Variants in KIAA0825 observed in about 807,000 individuals in gnomAD.
The protein encoded by KIAA0825 is KIAA0825.
In KIAA0825, 119 loss-of-function variants were observed where a neutral mutation model predicts 147.6. The ratio of observed to expected loss-of-function variants is 0.81; its 90% confidence interval spans 0.69 to 0.94. The LOEUF is 0.94. Among genes scored for constraint, KIAA0825 ranks in the 40% least tolerant of loss-of-function variants. KIAA0825 has a pLI of 0.00. For synonymous variants in KIAA0825, 470 were observed against 518.1 expected, an observed-to-expected ratio of 0.91 and a Z score of 1.26; for missense variants, 1,381 against 1,472.7, an observed-to-expected ratio of 0.94 and a Z score of 1.02.
chr5:94,460,371 T>C (rs991473595), intron 12 of KIAA0825, among the ~76,000 whole-genome samples: 3 of 152,090 alleles, frequency 2.0e-5, no homozygotes, highest in Non-Finnish European at 2.9e-5. Flanking sequence ...CAGGTTTCAT[T>C]CTTCCTGAAA....
At chr5:94,601,999 A>T (rs942093940) in intron 1 of KIAA0825, among the ~76,000 whole-genome samples, 2 of 152,182 alleles carry the variant, frequency 1.3e-5, no homozygotes, top group African/African-American at 4.8e-5. Flanking sequence ...AACTTCCACA[A>T]CCTTGCTAGA....
rs151290680 is a variant in KIAA0825, at chr5:94,293,258, A to G, written c.3710+91110T>C. 6.7e-3 allele frequency among the ~76,000 whole-genome samples: 1,025 copies of G among 152,256 alleles called. 10 individuals are homozygous for G. The highest frequency in any genetic ancestry group is 0.022 in the African/African-American group (931 of 41,536). On this transcript the variant is annotated intron_variant, in intron 20 of 20. Transcript: ENST00000682413. Reference sequence around the variant, plus strand: ...CTCTTCTGGGCATTTAGTGCTATCAATTTCCCTCTAAACACTGCTTTAGCT... The same window carrying G: ...CTCTTCTGGGCATTTAGTGCTATCAGTTTCCCTCTAAACACTGCTTTAGCT...
At chr5:94,399,813 T>A (rs1751148135) in intron 16 of KIAA0825, among the ~76,000 whole-genome samples, 1 of 152,038 alleles carries the variant, frequency 6.6e-6, no homozygotes, top group African/African-American at 2.4e-5. Flanking sequence ...TTGTGGTTGA[T>A]AAAACATGCA....
intron 20 of KIAA0825, among the ~76,000 whole-genome samples, chr5:94,275,634 A>G (rs973082447): frequency 1.3e-5 from 2 of 152,168 alleles, no homozygotes; most frequent in Non-Finnish European, 2.9e-5. Flanking sequence ...CAACATGTTA[A>G]TGGGTAATAG....
At chr5:94,213,095 C>G (rs546120625) in intron 20 of KIAA0825, among the ~76,000 whole-genome samples, 1 of 152,060 alleles carries the variant, frequency 6.6e-6, no homozygotes. Context: ...AGATAAGTAA[C>G]TTGACCAAAG....
At chr5:94,333,019 G>A (rs1323769685) in intron 20 of KIAA0825, among the ~76,000 whole-genome samples, 1 of 152,124 alleles carries the variant, frequency 6.6e-6, no homozygotes. Context: ...CTGCATAAAT[G>A]TCTTCTTTTG....
In KIAA0825 at chr5:94,188,711, TATGTATA is replaced by T. The variant is rs563135415; in HGVS notation, c.3711-34594_3711-34588del. On this transcript the variant is annotated intron_variant, in intron 20 of 20. Coordinates refer to ENST00000682413, the MANE Select transcript of KIAA0825 (RefSeq NM_001145678.3). ...TTGGGTTGCTTCCCACTTTGGTTGT[TATGTATA>T]ATGCTGCTATAAACATTTGCAACCT... Among the ~76,000 whole-genome samples the T allele has an allele frequency of 4.7e-3, 710 of 152,286 alleles. 21 individuals carry two copies. Among genetic ancestry groups the T allele is most frequent in the Non-Finnish European group, 1.1e-3 (75 of 68,014 alleles).
At chr5:94,251,278 C>T (rs1775947627) in intron 20 of KIAA0825, among the ~76,000 whole-genome samples, 2 of 152,052 alleles carry the variant, frequency 1.3e-5, no homozygotes, top group African/African-American at 4.8e-5. Context: ...ATATAATGAG[C>T]CTTTTTTCAG....
At chr5:94,334,396 C>T in intron 20 of KIAA0825, among the ~76,000 whole-genome samples, 1 of 152,234 alleles carries the variant, frequency 6.6e-6, no homozygotes, top group East Asian at 1.9e-4. Flanking sequence ...ATGCTAAACA[C>T]TGGTTACCTT....
At chr5:94,385,983 C>T (rs1749086032) in intron 19 of KIAA0825, among the ~76,000 whole-genome samples, 1 of 152,148 alleles carries the variant, frequency 6.6e-6, no homozygotes. Flanking sequence ...CACAGCCTAA[C>T]AGATGTTCCC....
intron 2 of KIAA0825, among the ~76,000 whole-genome samples, chr5:94,542,533 A>G (rs909268610): frequency 1.3e-5 from 2 of 152,240 alleles, no homozygotes; most frequent in African/African-American, 4.8e-5. Context: ...TCGGCCGGGC[A>G]CAGTGGCTCA....
At chr5:94,459,302 T>G (rs1759522387) in intron 12 of KIAA0825, among the ~76,000 whole-genome samples, 2 of 152,164 alleles carry the variant, frequency 1.3e-5, no homozygotes, top group African/African-American at 4.8e-5. Flanking sequence ...ACATAACATT[T>G]TGAACACTCC....
chr5:94,399,189 G>A (rs1289301171), intron 16 of KIAA0825, among the ~76,000 whole-genome samples: 2 of 152,090 alleles, frequency 1.3e-5, no homozygotes, highest in East Asian at 3.9e-4. Flanking sequence ...TTAACATATA[G>A]ATAAAGCAAA....
intron 12 of KIAA0825, among the ~76,000 whole-genome samples, chr5:94,458,174 A>G (rs1269333530): frequency 6.6e-6 from 1 of 152,208 alleles, no homozygotes; most frequent in Non-Finnish European, 1.5e-5. Context: ...AACCGGCATT[A>G]TACCTGAGAC....
chr5:94,571,989 G>A (rs942869284), intron 2 of KIAA0825, among the ~76,000 whole-genome samples: 8 of 152,048 alleles, frequency 5.3e-5, no homozygotes, highest in Admixed American at 3.3e-4. Context: ...CTATGAGACT[G>A]AGGTGGGAGC....
In KIAA0825 at chr5:94,582,479, C is replaced by A. The variant is rs1341739171; in HGVS notation, c.-48G>T. 1 of 152,162 alleles carries A rather than the reference C, an allele frequency of 6.6e-6. No homozygotes were observed. Among genetic ancestry groups the A allele is most frequent in the Non-Finnish European group, 1.5e-5 (1 of 68,028 alleles). 9.4% of individuals were successfully genotyped at this position (152,162 alleles called of 1,614,324 possible). ...CTAAGAATGAACTGGTCTTCGAATCCTAAGGAGGTAGAAAATTATTTCCTG... is the reference window on the plus strand; with the variant it reads ...CTAAGAATGAACTGGTCTTCGAATCATAAGGAGGTAGAAAATTATTTCCTG... On this transcript the variant is annotated 5_prime_UTR_variant, in exon 2 of 21. The change creates a new upstream start codon in the 5' untranslated region. Transcript: ENST00000682413.
At chr5:94,409,357 G>A (rs1408427541) in intron 15 of KIAA0825, among the ~76,000 whole-genome samples, 1 of 152,146 alleles carries the variant, frequency 6.6e-6, no homozygotes, top group Non-Finnish European at 1.5e-5. Context: ...AGGAAACACT[G>A]TAATTGCCTT....
At chr5:94,341,156 AATG>A (rs1194118603) in intron 20 of KIAA0825, among the ~76,000 whole-genome samples, 1 of 152,242 alleles carries the variant, frequency 6.6e-6, no homozygotes, top group Non-Finnish European at 1.5e-5. Flanking sequence ...TTGTTAGATA[AATG>A]ATGTTTATAG....
intron 13 of KIAA0825, among the ~76,000 whole-genome samples, chr5:94,450,253 C>CT (rs1047572325): frequency 6.7e-6 from 1 of 149,346 alleles, no homozygotes; most frequent in African/African-American, 2.5e-5. Flanking sequence ...TCTATATGTA[C>CT]TTTTTTTTGT....
Sources: allele counts gnomAD v4.1 joint callset (sites outside exome capture counted in the v4.1 genomes callset), GRCh38; gene constraint gnomAD v4.1.1; transcripts MANE v1.5; gene names NCBI Gene and HGNC (gene_info 2026-07-23, HGNC 2026-07-21).